ZBTB20: variants seen among roughly 807,000 people sequenced by gnomAD.
The protein encoded by ZBTB20 is zinc finger and BTB domain-containing protein 20.
In ZBTB20, 9 loss-of-function variants were observed where a neutral mutation model predicts 56.9. That is an observed-to-expected ratio of 0.16 (90% CI 0.10 to 0.28). The LOEUF (loss-of-function observed/expected upper bound fraction) is 0.28. Among genes scored for constraint, ZBTB20 ranks in the 10% least tolerant of loss-of-function variants. ZBTB20 has a pLI of 1.00. For synonymous variants in ZBTB20, 417 were observed against 420.7 expected (o/e 0.99, Z 0.11); for missense variants, 655 against 1,003.0 (o/e 0.65, Z 4.69).
At chr3:114,962,565 A>G (rs184506274) in intron 3 of ZBTB20, among the ~76,000 whole-genome samples, 8 of 152,260 alleles carry the variant, frequency 5.3e-5, no homozygotes, top group African/African-American at 1.9e-4. Context: ...GGGCAGCAGT[A>G]TAATATAAAA....
At chr3:115,054,305 T>C (rs2081668299) in intron 2 of ZBTB20, among the ~76,000 whole-genome samples, 1 of 152,162 alleles carries the variant, frequency 6.6e-6, no homozygotes, top group African/African-American at 2.4e-5. Context: ...AGGAAAGCGC[T>C]GAAATAACCA....
chr3:115,129,056 A>C (rs1423569885), intron 1 of ZBTB20, among the ~76,000 whole-genome samples: 1 of 151,766 alleles, frequency 6.6e-6, no homozygotes, highest in African/African-American at 2.4e-5. Flanking sequence ...CCGAGATTGC[A>C]CCACTGCACT....
intron 5 of ZBTB20, among the ~76,000 whole-genome samples, chr3:114,748,329 TCTTTCTTCTTTCTTTCTTTCTTTTC>T (rs1350570628): frequency 2.4e-5 from 3 of 123,452 alleles, no homozygotes; most frequent in African/African-American, 9.8e-5. Flanking sequence ...TTTCTTTCTT[TCTTTCTTCTTTCTTTCTTTCTTTTC>T]TCTCTCTCTC....
intron 1 of ZBTB20, among the ~76,000 whole-genome samples, chr3:115,107,320 T>C (rs1652419282): frequency 6.6e-6 from 1 of 151,710 alleles, no homozygotes; most frequent in African/African-American, 2.4e-5. Flanking sequence ...CTTGGGAGGC[T>C]GAGGTGAGAG....
chr3:114,374,960 A>C (rs912673393), intron 10 of ZBTB20, among the ~76,000 whole-genome samples: 5 of 152,236 alleles, frequency 3.3e-5, no homozygotes, highest in Non-Finnish European at 5.9e-5. Flanking sequence ...AATTTGCCAA[A>C]GAGACCTTCA....
At chr3:114,493,531 T>A (rs993566365) in intron 7 of ZBTB20, among the ~76,000 whole-genome samples, 2 of 152,184 alleles carry the variant, frequency 1.3e-5, no homozygotes, top group African/African-American at 4.8e-5. Context: ...AGGCCTTACG[T>A]ATCTCTTCAA....
intron 5 of ZBTB20, among the ~76,000 whole-genome samples, chr3:114,766,768 C>T (rs1296515): frequency 1 from 151,879 of 152,178 alleles, 75,792 homozygotes; most frequent in Non-Finnish European, 1. Flanking sequence ...ACTTGACTTT[C>T]TGACAGCCAA....
chr3:114,619,291 C>T (rs1165773747), intron 6 of ZBTB20, among the ~76,000 whole-genome samples: 4 of 152,090 alleles, frequency 2.6e-5, no homozygotes, highest in Non-Finnish European at 5.9e-5. Context: ...ACTTTTCTTT[C>T]TGTGGCTGCT....
At chr3:114,816,449 C>T (rs933234911) in intron 4 of ZBTB20, among the ~76,000 whole-genome samples, 1 of 152,034 alleles carries the variant, frequency 6.6e-6, no homozygotes. Context: ...GATAGAATAA[C>T]CATTCCACAG....
intron 1 of ZBTB20, among the ~76,000 whole-genome samples, chr3:115,087,684 T>C (rs2083039045): frequency 6.6e-6 from 1 of 151,936 alleles, no homozygotes. Flanking sequence ...GGCAAGTTAT[T>C]TAACTTCAAC....
intron 6 of ZBTB20, among the ~76,000 whole-genome samples, chr3:114,620,179 T>A (rs2107754398): frequency 6.6e-6 from 1 of 152,320 alleles, no homozygotes; most frequent in East Asian, 1.9e-4. Context: ...GCAATCTTAG[T>A]AAATGGTTGG....
At chr3:114,720,122 T>C (rs2064811334) in intron 5 of ZBTB20, among the ~76,000 whole-genome samples, 2 of 149,210 alleles carry the variant, frequency 1.3e-5, no homozygotes, top group African/African-American at 4.9e-5. Flanking sequence ...TATGTATATA[T>C]TGTTTATATT....
At chr3:115,141,942 C>T (rs2084822160) in intron 1 of ZBTB20, among the ~76,000 whole-genome samples, 1 of 152,162 alleles carries the variant, frequency 6.6e-6, no homozygotes, top group Non-Finnish European at 1.5e-5. Flanking sequence ...CTTCTTGAAA[C>T]TCAACTATCT....
intron 5 of ZBTB20, among the ~76,000 whole-genome samples, chr3:114,713,256 T>C (rs1386776330): frequency 1.3e-5 from 2 of 152,090 alleles, no homozygotes; most frequent in Non-Finnish European, 2.9e-5. Flanking sequence ...GAAAAGTGAG[T>C]AGCAGCAATG....
At chr3:114,587,438 C>G (rs966075698) in intron 6 of ZBTB20, among the ~76,000 whole-genome samples, 1 of 152,136 alleles carries the variant, frequency 6.6e-6, no homozygotes, top group Non-Finnish European at 1.5e-5. Context: ...TAAAGTGAAG[C>G]AGAGCTTAGA....
chr3:114,567,317 T>C (rs1172365870), intron 6 of ZBTB20, among the ~76,000 whole-genome samples: 3 of 152,182 alleles, frequency 2.0e-5, no homozygotes, highest in African/African-American at 7.2e-5. Flanking sequence ...GTGAAATCAA[T>C]AAACAGTGCT....
intron 8 of ZBTB20, chr3:114,388,117 T>C (rs551552909): frequency 1.4e-4 from 21 of 152,300 alleles, no homozygotes; most frequent in African/African-American, 3.6e-4. Flanking sequence ...TCCAGTAACA[T>C]AGAAGTCTGT....
intron 1 of ZBTB20, among the ~76,000 whole-genome samples, chr3:115,104,043 T>A (rs1209079977): frequency 6.6e-6 from 1 of 152,126 alleles, no homozygotes; most frequent in Non-Finnish European, 1.5e-5. Flanking sequence ...GCAGAAGACT[T>A]TAACAGTGAC....
At chr3:114,542,084 A>T (rs376796586) in intron 6 of ZBTB20, among the ~76,000 whole-genome samples, 1 of 152,200 alleles carries the variant, frequency 6.6e-6, no homozygotes, top group African/African-American at 2.4e-5. Context: ...GATACCTAGA[A>T]TTATTTTTTT....
Sources: gnomAD v4.1 joint callset for allele counts (sites outside exome capture counted in the v4.1 genomes callset) on GRCh38, gnomAD v4.1.1 for gene constraint, MANE v1.5 for transcripts, NCBI Gene and HGNC (gene_info 2026-07-23, HGNC 2026-07-21) for gene names.